MCF2L: variants seen among roughly 807,000 people sequenced by gnomAD.
The protein encoded by MCF2L is guanine nucleotide exchange factor DBS.
MCF2L carries 97 observed loss-of-function variants against 153.4 expected under a neutral mutation model. The ratio of observed to expected loss-of-function variants is 0.63; its 90% CI spans 0.54 to 0.75. The LOEUF (loss-of-function observed/expected upper bound fraction) is 0.75, where lower values mean the gene tolerates loss of function less well. Among genes scored for constraint, MCF2L ranks in the 30% least tolerant of loss-of-function variants. The probability of loss-of-function intolerance (pLI) is 0.00; values close to 1 mark genes in which losing one functional copy is unlikely to be tolerated. For synonymous variants in MCF2L, 659 were observed against 632.2 expected (o/e 1.04, Z -0.64); for missense variants, 1,347 against 1,495.2 (o/e 0.90, Z 1.64).
intron 1 of MCF2L, among the ~76,000 whole-genome samples, chr13:112,978,494 T>C (rs1247950976): frequency 1.3e-5 from 2 of 152,108 alleles, no homozygotes; most frequent in African/African-American, 4.8e-5. Context: ...ATCACTGTAT[T>C]TGTGGAGGCT....
chr13:112,920,983 T>C (rs2081346574), intron 2 of MCF2L, among the ~76,000 whole-genome samples: 2 of 149,314 alleles, frequency 1.3e-5, no homozygotes, highest in African/African-American at 2.5e-5. Context: ...CTGGCTAACA[T>C]GGTGAAACCT....
rs779484357 is a variant in MCF2L at position 113,045,179 on chromosome 13, G to A, written c.279-92G>A. The A allele has an allele frequency of 1.3e-5, 14 of 1,115,584 alleles. No homozygotes were observed. Among genetic ancestry groups the A allele is most frequent in the Non-Finnish European group, 1.9e-5 (14 of 728,248 alleles). 69.1% of individuals were successfully genotyped at this position (1,115,584 alleles called of 1,614,324 possible). ...CAGAAATGGCATCATGAATATGGGG[G>A]ATCGCTCTCCCAAGAGGTTTTCTGA... On this transcript the variant is annotated intron_variant, in intron 3 of 29. Coordinates refer to ENST00000535094, the MANE Select transcript of MCF2L (RefSeq NM_001112732.3). This position sits in a 1 kb window ranked among gnomAD's most constrained non-coding sequence, Gnocchi z 4.2.
chr13:113,011,275 TCA>T (rs952022827), intron 1 of MCF2L, among the ~76,000 whole-genome samples: 3 of 152,248 alleles, frequency 2.0e-5, no homozygotes, highest in Non-Finnish European at 4.4e-5. Context: ...CAGTTTCTGA[TCA>T]CACACAGGGG....
intron 2 of MCF2L, among the ~76,000 whole-genome samples, chr13:112,911,329 T>C (rs2081229512): frequency 6.6e-6 from 1 of 152,204 alleles, no homozygotes; most frequent in African/African-American, 2.4e-5. Context: ...ACACGTAGCC[T>C]TGGGTCCCGG....
Position 112,976,176 on chromosome 13 carries a change from A to ATGTGTGTGTGTGCGCGTGTG in MCF2L, c.79+6730_79+6731insCGCGTGTGTGTGTGTGTGTG, listed in dbSNP as rs2082206821. Among the ~76,000 whole-genome samples, 3 of 140,814 alleles carry ATGTGTGTGTGTGCGCGTGTG rather than the reference A, an allele frequency of 2.1e-5. No homozygotes were observed. In the South Asian group the frequency reaches 6.7e-4, roughly 32 times the overall value. 92.4% of individuals were successfully genotyped at this position (140,814 alleles called of 152,430 possible). On this transcript the variant is annotated intron_variant, in intron 1 of 29. Coordinates refer to ENST00000535094, the MANE Select transcript of MCF2L (RefSeq NM_001112732.3). ...TTTGTTTGCTTGTTTGTGTGTGTGT[A>ATGTGTGTGTGTGCGCGTGTG]TGTGTGTGTGTGTGCGTGTGTGTGT... is the stretch of plus-strand genomic sequence containing the variant.
chr13:113,087,558 AG>A, intron 22 of MCF2L, 102 bp downstream of exon 22: 1 of 1,144,338 alleles, frequency 8.7e-7, no homozygotes, highest in Non-Finnish European at 1.3e-6. Context: ...CCCAGCTCTC[AG>A]CCTTAGGTGT....
chr13:112,979,771 G>A (rs1220719299), intron 1 of MCF2L: 1 of 1,607,144 alleles, frequency 6.2e-7, no homozygotes. Flanking sequence ...GAGATACAAT[G>A]GGGTCGCAGG....
intron 2 of MCF2L, among the ~76,000 whole-genome samples, chr13:112,954,548 T>G (rs1313388773): frequency 1.3e-5 from 2 of 152,206 alleles, no homozygotes; most frequent in African/African-American, 4.8e-5. Context: ...AGGGTTTGCA[T>G]GGAATGACTG....
At chr13:112,995,850 G>A (rs546191011) in intron 1 of MCF2L, among the ~76,000 whole-genome samples, 3 of 152,170 alleles carry the variant, frequency 2.0e-5, no homozygotes, top group Non-Finnish European at 2.9e-5. Flanking sequence ...CCGGAAGTCC[G>A]TTCAGTCCTG....
intron 3 of MCF2L, among the ~76,000 whole-genome samples, chr13:113,029,786 G>A (rs1298589198): frequency 2.0e-5 from 3 of 152,168 alleles, no homozygotes; most frequent in South Asian, 2.1e-4. Context: ...TGGCACAGGC[G>A]GTTCCCCAGC....
intron 5 of MCF2L, among the ~76,000 whole-genome samples, chr13:113,062,310 C>A (rs914574370): frequency 1.6e-4 from 25 of 151,996 alleles, no homozygotes; most frequent in Non-Finnish European, 2.6e-4. Flanking sequence ...ATGGCGTGTG[C>A]AGCTCAGCAC....
At chr13:113,040,526 G>A (rs1537025) in intron 3 of MCF2L, 41,469 of 151,928 alleles carry the variant, frequency 0.27, 5,798 homozygotes, top group Middle Eastern at 0.36. Flanking sequence ...TGACGTTTGA[G>A]AAGCAAAGAC....
chr13:113,087,255 C>G lies in MCF2L; in HGVS notation c.2394C>G (p.Gly798=). ...TTTAGGGGAATCTCGGCGACCTGGG[C>G]AAGCTGCTGATGCAGGGCTCGTTCA... ...TGYDGNLGDL[G]KLLMQGSFSV... is the part of the protein sequence containing the mutation. Residue 798 remains glycine (G), a synonymous_variant, in exon 22 of 30, where the codon GGC becomes GGG. Coordinates refer to ENST00000535094, the MANE Select transcript of MCF2L (RefSeq NM_001112732.3). 10 of 1,612,068 alleles carry G rather than the reference C, an allele frequency of 6.2e-6. No homozygotes were observed. Among genetic ancestry groups the G allele is most frequent in the African/African-American group, 1.3e-5 (1 of 75,028 alleles).
chr13:113,069,701 G>C (rs1430669693), intron 8 of MCF2L, among the ~76,000 whole-genome samples: 1 of 152,220 alleles, frequency 6.6e-6, no homozygotes, highest in African/African-American at 2.4e-5. Flanking sequence ...ACCCAGCCCA[G>C]GTGATGGAAC....
intron 4 of MCF2L, among the ~76,000 whole-genome samples, chr13:113,058,215 GTGTT>G (rs371206735): frequency 2.2e-3 from 328 of 149,204 alleles, no homozygotes; most frequent in African/African-American, 7.5e-3. Context: ...TGGGCGCTGT[GTGTT>G]TGGGCGCTGA....
chr13:113,058,517 T>C (rs1473041370), intron 4 of MCF2L, among the ~76,000 whole-genome samples: 2 of 149,438 alleles, frequency 1.3e-5, no homozygotes, highest in Non-Finnish European at 3.0e-5. Context: ...GCTGAGTGTT[T>C]GGATGCTGAG....
At chr13:113,026,987 G>A (rs1462300160) in intron 3 of MCF2L, 2 of 779,016 alleles carry the variant, frequency 2.6e-6, no homozygotes, top group East Asian at 4.8e-5. Context: ...GAGAATGTCA[G>A]CCTCACACCA....
At position 113,087,772 on chromosome 13, in the gene MCF2L, C is replaced by T. The variant is rs370033545; in HGVS notation, c.2661C>T (p.Asn887=). The T allele has an allele frequency of 2.5e-5, 40 of 1,613,994 alleles. No homozygotes were observed. Among genetic ancestry groups the T allele is most frequent in the African/African-American group, 6.7e-5 (5 of 74,932 alleles). ...GDAKKFEIWY[N]AREEVYIVQA... ...CTAAGAAGTTCGAGATCTGGTACAA[C>T]GCGCGCGAGGAGGTCTACATCGTCC... The change falls in exon 23 of 30, where the codon AAC becomes AAT. Residue 887 remains asparagine, a synonymous_variant. Coordinates refer to ENST00000535094, the MANE Select transcript of MCF2L (RefSeq NM_001112732.3).
intron 1 of MCF2L, among the ~76,000 whole-genome samples, chr13:113,008,182 G>T (rs2083841412): frequency 6.6e-6 from 1 of 152,236 alleles, no homozygotes; most frequent in East Asian, 1.9e-4. Context: ...CTCCCAAAGT[G>T]TTGGCATTTA....
Sources: gnomAD v4.1 joint callset for allele counts (sites outside exome capture counted in the v4.1 genomes callset) on GRCh38, gnomAD v4.1.1 for gene constraint, Gnocchi (gnomAD v3.1) non-coding constraint, MANE v1.5 for transcripts, NCBI Gene and HGNC (gene_info 2026-07-23, HGNC 2026-07-21) for gene names.